The following DLG2 variants were observed in gnomAD, a reference collection of about 807,000 sequenced individuals.
The protein encoded by DLG2 is discs large MAGUK scaffold protein 2.
In DLG2, 45 loss-of-function variants were observed where a neutral mutation model predicts 132.5. The ratio of observed to expected loss-of-function variants is 0.34; its 90% CI spans 0.27 to 0.44. The LOEUF (loss-of-function observed/expected upper bound fraction) is 0.44, where lower values mean the gene tolerates loss of function less well. DLG2 is among the 20% of genes least tolerant of loss of function. The pLI is 1.00. For missense variants in DLG2, 1,045 were observed against 1,196.9 expected, an observed-to-expected ratio of 0.87 and a Z score of 1.87; for synonymous variants, 424 against 419.6, an observed-to-expected ratio of 1.01 and a Z score of -0.13.
intron 6 of DLG2, among the ~76,000 whole-genome samples, chr11:85,061,515 T>A (rs1318926767): frequency 6.6e-6 from 1 of 151,864 alleles, no homozygotes; most frequent in African/African-American, 2.4e-5. Flanking sequence ...ATCATATAGT[T>A]TGAAGGGATG....
intron 3 of DLG2, among the ~76,000 whole-genome samples, chr11:85,337,080 C>T (rs775296884): frequency 9.9e-5 from 15 of 152,074 alleles, no homozygotes; most frequent in East Asian, 9.7e-4. Flanking sequence ...CCAAAATTTG[C>T]GTAGTTCAAT....
intron 18 of DLG2, among the ~76,000 whole-genome samples, chr11:83,759,551 A>G (rs61386541): frequency 0.02 from 3,075 of 152,146 alleles, 111 homozygotes; most frequent in African/African-American, 0.071. Flanking sequence ...TAGGACTTTA[A>G]TTTAGAGTAG....
chr11:84,580,925 C>G (rs897736178), intron 6 of DLG2, among the ~76,000 whole-genome samples: 32 of 152,040 alleles, frequency 2.1e-4, no homozygotes, highest in African/African-American at 7.5e-4. Context: ...GTAAAGAATA[C>G]TCAGAATACT....
chr11:84,668,693 T>C (rs1226103046), intron 6 of DLG2, among the ~76,000 whole-genome samples: 1 of 152,128 alleles, frequency 6.6e-6, no homozygotes, highest in East Asian at 1.9e-4. Flanking sequence ...GCAATAATAT[T>C]TTATCGCTGA....
chr11:85,466,877 T>A (rs1012274492), intron 3 of DLG2, among the ~76,000 whole-genome samples: 2 of 152,220 alleles, frequency 1.3e-5, no homozygotes, highest in African/African-American at 4.8e-5. Context: ...GGGGATGGCA[T>A]TGAATCTATT....
intron 4 of DLG2, among the ~76,000 whole-genome samples, chr11:85,281,366 C>G (rs1259714806): frequency 1.3e-5 from 2 of 151,978 alleles, no homozygotes; most frequent in African/African-American, 2.4e-5. Context: ...GGGTGGCACA[C>G]TGTAGGGACT....
intron 7 of DLG2, among the ~76,000 whole-genome samples, chr11:84,515,750 T>A (rs1455899803): frequency 6.6e-6 from 1 of 151,878 alleles, no homozygotes; most frequent in Non-Finnish European, 1.5e-5. Context: ...AAAAGACATA[T>A]ACAGAATATT....
intron 18 of DLG2, among the ~76,000 whole-genome samples, chr11:83,751,180 G>A (rs2093281615): frequency 6.6e-6 from 1 of 152,200 alleles, no homozygotes; most frequent in South Asian, 2.1e-4. Context: ...AGGTGGTTAT[G>A]CAGATACTTT....
intron 17 of DLG2, among the ~76,000 whole-genome samples, chr11:83,813,761 A>G (rs1017092585): frequency 1.3e-4 from 20 of 152,274 alleles, no homozygotes; most frequent in African/African-American, 4.6e-4. Context: ...TGCTTTATCA[A>G]CAAAAACAAC....
chr11:85,380,097 A>G (rs999006552), intron 3 of DLG2, among the ~76,000 whole-genome samples: 1 of 152,206 alleles, frequency 6.6e-6, no homozygotes, highest in Non-Finnish European at 1.5e-5. Context: ...TCACCTAAAT[A>G]TCACCCACAG....
chr11:84,671,168 C>T (rs2099705513), intron 6 of DLG2, among the ~76,000 whole-genome samples: 1 of 151,640 alleles, frequency 6.6e-6, no homozygotes, highest in Non-Finnish European at 1.5e-5. Flanking sequence ...GATCACAGCT[C>T]ACTGCAGCCT....
In DLG2 at chr11:85,377,751, T is replaced by C. The variant is rs565052292; in HGVS notation, c.41-92386A>G. ...TTGAATAACAATACCATGGTGGCTCTGTTTCTTGCTAAGTGCAATTTGTGT... is the reference window on the plus strand; with the variant it reads ...TTGAATAACAATACCATGGTGGCTCCGTTTCTTGCTAAGTGCAATTTGTGT... On this transcript the variant is annotated intron_variant, in intron 3 of 27. Coordinates refer to ENST00000376104, the MANE Select transcript of DLG2 (RefSeq NM_001142699.3). Among the ~76,000 whole-genome samples, 12 of 150,078 alleles carry C rather than the reference T, an allele frequency of 8.0e-5. 1 individual carries two copies. Among genetic ancestry groups the C allele is most frequent in the African/African-American group, 2.9e-4 (12 of 40,876 alleles).
At chr11:83,520,627 A>ATAGG (rs1268327905) in intron 21 of DLG2, among the ~76,000 whole-genome samples, 5 of 147,264 alleles carry the variant, frequency 3.4e-5, no homozygotes, top group Admixed American at 2.7e-4. Flanking sequence ...AGGTAGGTAG[A>ATAGG]TAGGTAGGTA....
intron 18 of DLG2, among the ~76,000 whole-genome samples, chr11:83,707,200 C>T (rs1313572436): frequency 6.6e-6 from 1 of 152,150 alleles, no homozygotes; most frequent in Non-Finnish European, 1.5e-5. Flanking sequence ...AACACTGACT[C>T]CCCCAGGGCC....
chr11:84,242,798 T>A (rs1459573174), intron 8 of DLG2, among the ~76,000 whole-genome samples: 1 of 152,198 alleles, frequency 6.6e-6, no homozygotes, highest in Non-Finnish European at 1.5e-5. Context: ...TGCCTCCATG[T>A]GTATCATGTT....
rs768863180 is a variant in DLG2 at position 83,469,445 on chromosome 11, C to T, written c.2447-72G>A. Reference sequence around the variant, plus strand: ...AAACTTGCTTTACACCTATATTCTCCACCACATCCTCAACATTGATATGTA... The same window carrying T: ...AAACTTGCTTTACACCTATATTCTCTACCACATCCTCAACATTGATATGTA... On this transcript the variant is annotated intron_variant, in intron 24 of 27. Transcript: ENST00000376104. 6.9e-4 allele frequency: 772 copies of T among 1,112,376 alleles called. 2 individuals are homozygous for T. The highest frequency in any genetic ancestry group is 9.0e-4 in the Non-Finnish European group (698 of 771,318). The allele number at this position is 1,112,376 out of a possible 1,614,324, so 68.9% of individuals were successfully genotyped here. A position where few individuals can be genotyped will look rare whatever the true frequency, so the allele number is the denominator to read the frequency against.
chr11:83,905,465 A>G (rs2074480126), intron 15 of DLG2, among the ~76,000 whole-genome samples: 1 of 152,146 alleles, frequency 6.6e-6, no homozygotes, highest in Non-Finnish European at 1.5e-5. Flanking sequence ...TGTTAATTGT[A>G]TGACTAACTG....
chr11:83,860,480 C>T (rs1253518966), intron 16 of DLG2, among the ~76,000 whole-genome samples: 1 of 152,070 alleles, frequency 6.6e-6, no homozygotes, highest in African/African-American at 2.4e-5. Flanking sequence ...GGCCTGTAGC[C>T]CCTTTGTTTT....
chr11:84,808,592 G>T (rs2076243173), intron 6 of DLG2, among the ~76,000 whole-genome samples: 1 of 151,770 alleles, frequency 6.6e-6, no homozygotes, highest in Non-Finnish European at 1.5e-5. Context: ...AAAAGAAATA[G>T]TATAAATTAC....
Sources: gnomAD v4.1 joint callset for allele counts (sites outside exome capture counted in the v4.1 genomes callset) on GRCh38, gnomAD v4.1.1 for gene constraint, MANE v1.5 for transcripts, NCBI Gene and HGNC (gene_info 2026-07-23, HGNC 2026-07-21) for gene names.